Variants in CYP2C19 observed in about 807,000 individuals in gnomAD.
CYP2C19 encodes the protein cytochrome P450 2C19.
In CYP2C19, 59 loss-of-function variants were observed where a neutral mutation model predicts 40.9. The observed-to-expected ratio is 1.44, with a 90% CI of 1.17 to 1.79. The LOEUF (loss-of-function observed/expected upper bound fraction) is 1.79, where lower values mean the gene tolerates loss of function less well. Ranked by LOEUF, CYP2C19 falls within the 40% of genes most tolerant of loss-of-function variation. The pLI is 0.00. For missense variants in CYP2C19, 754 were observed against 596.9 expected (o/e 1.26, Z -2.74); for synonymous variants, 253 against 208.7 (o/e 1.21, Z -1.83).
chr10:94,777,119 G>C (rs1848418186), intron 3 of CYP2C19, among the ~76,000 whole-genome samples: 1 of 152,088 alleles, frequency 6.6e-6, no homozygotes, highest in Non-Finnish European at 1.5e-5. Flanking sequence ...TCTTCAAGGA[G>C]AGCTACAAAC....
intron 6 of CYP2C19, among the ~76,000 whole-genome samples, chr10:94,828,191 G>A: frequency 6.6e-6 from 1 of 152,124 alleles, no homozygotes; most frequent in South Asian, 2.1e-4. Context: ...GCTTGGTGCA[G>A]ACCTGAGTTC....
chr10:94,830,470 C>A (rs1342021817), intron 6 of CYP2C19, among the ~76,000 whole-genome samples: 1 of 152,206 alleles, frequency 6.6e-6, no homozygotes, highest in African/African-American at 2.4e-5. Context: ...ACTCCCTGAC[C>A]CCTTGCACTT....
intron 5 of CYP2C19, among the ~76,000 whole-genome samples, chr10:94,813,640 C>A (rs538876351): frequency 1.3e-5 from 2 of 151,896 alleles, no homozygotes; most frequent in South Asian, 2.1e-4. Context: ...ACACCCCCCC[C>A]AAGCTCGAAC....
rs17885308 is a variant in CYP2C19, at chr10:94,820,764, CTG to C, written c.961+129_961+130del. The C allele has an allele frequency of 1.5e-3, 1,760 of 1,199,080 alleles. 18 individuals carry two copies. In the African/African-American group the frequency reaches 0.024, roughly 17 times the overall value. The allele number at this position is 1,199,080 out of a possible 1,614,324, so 74.3% of individuals were successfully genotyped here. ...AAATTTCTGTGCCCGCAGCTGTAAT[CTG>C]TCCCAATTTAATGGTGTGATTAAAA... is the stretch of plus-strand genomic sequence containing the variant. On this transcript the variant is annotated intron_variant, in intron 6 of 8. Transcript: ENST00000371321.
intron 5 of CYP2C19, among the ~76,000 whole-genome samples, chr10:94,793,389 C>A (rs954929838): frequency 3.3e-5 from 5 of 152,162 alleles, no homozygotes; most frequent in African/African-American, 9.7e-5. Flanking sequence ...GTCCAGCTAT[C>A]TTCTGTTGCT....
chr10:94,820,325 T>C (rs1332030864), intron 5 of CYP2C19, among the ~76,000 whole-genome samples, 171 bp from the exon 6 acceptor site: 8 of 152,034 alleles, frequency 5.3e-5, no homozygotes, highest in African/African-American at 1.9e-4. Context: ...CTTTGAAAAC[T>C]GGCACAAGAC....
At chr10:94,845,133 C>T (rs557975712) in intron 7 of CYP2C19, among the ~76,000 whole-genome samples, 1 of 152,276 alleles carries the variant, frequency 6.6e-6, no homozygotes, top group African/African-American at 2.4e-5. Flanking sequence ...CTGCTACAGG[C>T]TGGATCCACT....
chr10:94,793,600 C>T lies in CYP2C19; in HGVS notation c.819+11603C>T, dbSNP rs150695898. ...AATAGTCAGGACTCTCAGGTGCAGGCCTGTTGGAGTTTGCTGGAGGTCCAC... is the reference window on the plus strand; with the variant it reads ...AATAGTCAGGACTCTCAGGTGCAGGTCTGTTGGAGTTTGCTGGAGGTCCAC... On this transcript the variant is annotated intron_variant, in intron 5 of 8. Coordinates refer to ENST00000371321, the MANE Select transcript of CYP2C19 (RefSeq NM_000769.4). Among the ~76,000 whole-genome samples the T allele has an allele frequency of 3.1e-3, 473 of 152,206 alleles. 3 individuals carry two copies. The highest frequency in any genetic ancestry group is 0.011 in the African/African-American group (449 of 41,548).
At chr10:94,771,974 C>A (rs1309139595) in intron 1 of CYP2C19, among the ~76,000 whole-genome samples, 1 of 152,120 alleles carries the variant, frequency 6.6e-6, no homozygotes, top group African/African-American at 2.4e-5. Context: ...ACAAAGAGGA[C>A]TGAGAAAAAT....
intron 6 of CYP2C19, among the ~76,000 whole-genome samples, chr10:94,837,421 G>A (rs1477982606): frequency 2.0e-5 from 3 of 152,086 alleles, no homozygotes; most frequent in Admixed American, 6.5e-5. Flanking sequence ...CTAGACTTTA[G>A]GATTAATTCC....
At position 94,854,916 on chromosome 10, in the gene CYP2C19, A is replaced by C. The variant is rs1276942685; in HGVS notation, c.*2002A>C. The stretch of plus-strand genomic sequence containing the variant: ...ATGGAAATTACACATTATACATTTT[A>C]AACATTCTTCATTGGGAAATGAAAA... On this transcript the variant is annotated 3_prime_UTR_variant, in exon 9 of 9. Coordinates refer to ENST00000371321, the MANE Select transcript of CYP2C19 (RefSeq NM_000769.4). Among the ~76,000 whole-genome samples, 1 of 152,238 alleles carries C rather than the reference A, an allele frequency of 6.6e-6. No homozygotes were observed. Among genetic ancestry groups the C allele is most frequent in the African/African-American group, 2.4e-5 (1 of 41,464 alleles).
At chr10:94,851,443 C>CAAATAAATAAATAAAT (rs71031598) in intron 8 of CYP2C19, among the ~76,000 whole-genome samples, 1 of 143,000 alleles carries the variant, frequency 7.0e-6, no homozygotes, top group African/African-American at 2.6e-5. Context: ...TACCAGCACA[C>CAAATAAATAAATAAAT]AAATAAATAA....
rs1337225205 is a variant in CYP2C19, at chr10:94,855,498, C to A, written c.*2584C>A. On this transcript the variant is annotated 3_prime_UTR_variant, in exon 9 of 9. Coordinates refer to ENST00000371321, the MANE Select transcript of CYP2C19 (RefSeq NM_000769.4). ...TATTTGGCTCACTAATGAATACCAG[C>A]CACCTGAAACACTGTTTAGAAGATA... Among the ~76,000 whole-genome samples the A allele has an allele frequency of 6.6e-6, 1 of 152,130 alleles. No homozygotes were observed. Among genetic ancestry groups the A allele is most frequent in the African/African-American group, 2.4e-5 (1 of 41,418 alleles).
chr10:94,828,162 G>C (rs1376298840), intron 6 of CYP2C19, among the ~76,000 whole-genome samples: 1 of 152,116 alleles, frequency 6.6e-6, no homozygotes, highest in Non-Finnish European at 1.5e-5. Context: ...GGAGAGTTCT[G>C]TAGATGCCTA....
intron 5 of CYP2C19, among the ~76,000 whole-genome samples, chr10:94,795,563 C>A (rs1310270453): frequency 3.3e-5 from 5 of 150,608 alleles, no homozygotes; most frequent in East Asian, 1.9e-4. Flanking sequence ...GTTCTATATC[C>A]CTGAGGAATT....
chr10:94,814,179 C>T (rs1020380529), intron 5 of CYP2C19, among the ~76,000 whole-genome samples: 6 of 151,338 alleles, frequency 4.0e-5, no homozygotes, highest in Admixed American at 6.6e-5. Context: ...AAATCACCTA[C>T]CTTCTTCATT....
intron 5 of CYP2C19, among the ~76,000 whole-genome samples, chr10:94,808,333 G>A (rs1848864552): frequency 6.6e-6 from 1 of 151,744 alleles, no homozygotes; most frequent in Non-Finnish European, 1.5e-5. Context: ...ATATTTGATG[G>A]GTACATGAGA....
At chr10:94,850,157 C>G (rs914945848) in intron 8 of CYP2C19, 99 bp downstream of exon 8, 28 of 1,364,382 alleles carry the variant, frequency 2.1e-5, no homozygotes, top group Non-Finnish European at 2.7e-5. Context: ...TACAGTTACT[C>G]TTTGTACATG....
intron 5 of CYP2C19, among the ~76,000 whole-genome samples, chr10:94,802,126 G>T (rs972362224): frequency 6.7e-6 from 1 of 148,474 alleles, no homozygotes; most frequent in South Asian, 2.1e-4. Flanking sequence ...GCACTGATTG[G>T]TCCATTTTTC....
Sources: gnomAD v4.1 joint callset for allele counts (sites outside exome capture counted in the v4.1 genomes callset) on GRCh38, gnomAD v4.1.1 for gene constraint, MANE v1.5 for transcripts, NCBI Gene and HGNC (gene_info 2026-07-23, HGNC 2026-07-21) for gene names.